The following ENPP2 variants were observed in gnomAD, a reference collection of about 807,000 sequenced individuals.
The protein encoded by ENPP2 is ectonucleotide pyrophosphatase/phosphodiesterase 2.
A neutral mutation model predicts 120.2 loss-of-function variants in ENPP2; 51 were observed. That is an observed-to-expected ratio of 0.42 (90% CI 0.34 to 0.54). The LOEUF is 0.54. Ranked by LOEUF, ENPP2 falls within the 20% of genes least tolerant of loss-of-function variation. The probability of loss-of-function intolerance (pLI) is 0.04; values close to 1 mark genes in which losing one functional copy is unlikely to be tolerated. For synonymous variants in ENPP2, 365 were observed against 366.4 expected (o/e 1.00, Z 0.04); for missense variants, 920 against 1,066.5 (o/e 0.86, Z 1.91).
At chr8:119,562,387 G>A (rs1374459066) in intron 24 of ENPP2, among the ~76,000 whole-genome samples, 1 of 152,178 alleles carries the variant, frequency 6.6e-6, no homozygotes, top group Non-Finnish European at 1.5e-5. Context: ...AGGTTGCAGT[G>A]AGCCAAGATC....
At chr8:119,656,110 T>C (rs1817759080) in intron 1 of ENPP2, among the ~76,000 whole-genome samples, 1 of 152,238 alleles carries the variant, frequency 6.6e-6, no homozygotes, top group Non-Finnish European at 1.5e-5. Context: ...GGGTAAATCC[T>C]GATCACAGAC....
At chr8:119,631,271 C>G (rs868745852) in intron 2 of ENPP2, among the ~76,000 whole-genome samples, 1 of 120,828 alleles carries the variant, frequency 8.3e-6, no homozygotes, top group Non-Finnish European at 1.6e-5. Context: ...GGCTGGAGTG[C>G]AGTGGCGCAA....
At chr8:119,594,794 T>C (rs763786069) in intron 11 of ENPP2, among the ~76,000 whole-genome samples, 24 of 152,082 alleles carry the variant, frequency 1.6e-4, no homozygotes, top group Middle Eastern at 3.4e-3. Context: ...ATCACATAAA[T>C]ATACCCAAGA....
intron 15 of ENPP2, 71 bp downstream of exon 15, chr8:119,586,115 A>G: frequency 6.6e-7 from 1 of 1,507,260 alleles, no homozygotes; most frequent in Non-Finnish European, 9.1e-7. Context: ...ACTAAGGATG[A>G]TAAAATATTT....
chr8:119,672,322 A>G (rs1238922765), intron 1 of ENPP2, among the ~76,000 whole-genome samples: 1 of 152,212 alleles, frequency 6.6e-6, no homozygotes, highest in African/African-American at 2.4e-5. Context: ...TAAATACATA[A>G]GCAATACCAG....
chr8:119,598,109 C>G (rs891379795), intron 11 of ENPP2, among the ~76,000 whole-genome samples: 2 of 152,032 alleles, frequency 1.3e-5, no homozygotes, highest in Non-Finnish European at 2.9e-5. Flanking sequence ...AACCAATTAG[C>G]CTACAATAGA....
At chr8:119,623,806 A>G (rs1816083091) in intron 3 of ENPP2, among the ~76,000 whole-genome samples, 1 of 151,984 alleles carries the variant, frequency 6.6e-6, no homozygotes, top group Non-Finnish European at 1.5e-5. Context: ...TTGTATTTTT[A>G]GTAGAGATGG....
intron 20 of ENPP2, among the ~76,000 whole-genome samples, chr8:119,569,685 A>G (rs888601453): frequency 6.6e-6 from 1 of 151,948 alleles, no homozygotes; most frequent in Non-Finnish European, 1.5e-5. Flanking sequence ...AAGATAACTT[A>G]TAAAATAACA....
intron 23 of ENPP2, 106 bp from the exon 24 acceptor site, chr8:119,563,119 C>A: frequency 1.1e-6 from 1 of 873,516 alleles, no homozygotes; most frequent in South Asian, 1.8e-5. Flanking sequence ...AAATTAATCC[C>A]CATTCAATTG....
At chr8:119,572,418 C>T (rs1219864453) in intron 19 of ENPP2, among the ~76,000 whole-genome samples, 2 of 152,180 alleles carry the variant, frequency 1.3e-5, no homozygotes, top group African/African-American at 4.8e-5. Flanking sequence ...CAATACCCCT[C>T]CCTAGAGCAA....
At chr8:119,663,542 T>C (rs1817986132) in intron 1 of ENPP2, among the ~76,000 whole-genome samples, 1 of 152,222 alleles carries the variant, frequency 6.6e-6, no homozygotes, top group Admixed American at 6.5e-5. Flanking sequence ...CAGCCCTACC[T>C]ATAGATCTCT....
chr8:119,590,370 CTT>C, intron 13 of ENPP2, 133 bp downstream of exon 13: 2 of 557,322 alleles, frequency 3.6e-6, no homozygotes, highest in Non-Finnish European at 6.0e-6. Context: ...GTCTAAATGA[CTT>C]ATTTAAGGTC....
intron 1 of ENPP2, among the ~76,000 whole-genome samples, chr8:119,660,807 C>A (rs1817898364): frequency 6.6e-6 from 1 of 151,998 alleles, no homozygotes; most frequent in Non-Finnish European, 1.5e-5. Context: ...TGTTGTAGTG[C>A]GAAAGTGGTC....
intron 11 of ENPP2, chr8:119,595,781 G>T: frequency 6.6e-7 from 1 of 1,515,102 alleles, no homozygotes; most frequent in Non-Finnish European, 9.1e-7. Flanking sequence ...TCCAACCAAG[G>T]CACTGAAGGC....
intron 11 of ENPP2, among the ~76,000 whole-genome samples, chr8:119,599,627 CT>C (rs1814144607): frequency 6.6e-6 from 1 of 152,244 alleles, no homozygotes; most frequent in East Asian, 1.9e-4. Flanking sequence ...CTAACCATTC[CT>C]TTCCCACCTT....
At chr8:119,561,539 G>A (rs1236130012) in intron 24 of ENPP2, among the ~76,000 whole-genome samples, 2 of 152,088 alleles carry the variant, frequency 1.3e-5, no homozygotes, top group Non-Finnish European at 2.9e-5. Flanking sequence ...AAATTAAAAG[G>A]ACCTGAAGGT....
intron 1 of ENPP2, among the ~76,000 whole-genome samples, chr8:119,668,379 T>C (rs932727071): frequency 6.6e-6 from 1 of 152,062 alleles, no homozygotes; most frequent in Non-Finnish European, 1.5e-5. Flanking sequence ...ATGACTATCA[T>C]GTCTCATGTT....
At chr8:119,657,047 C>G (rs370561101) in intron 1 of ENPP2, among the ~76,000 whole-genome samples, 3 of 152,156 alleles carry the variant, frequency 2.0e-5, no homozygotes, top group African/African-American at 7.2e-5. Context: ...CCTGCCTCAG[C>G]CTCCCGAGTA....
chr8:119,569,509 C>T, intron 20 of ENPP2, 139 bp from the exon 21 acceptor site: 1 of 741,382 alleles, frequency 1.3e-6, no homozygotes, highest in Admixed American at 3.5e-5. Flanking sequence ...CTTTGATAGT[C>T]TGACTTCTTT....
Sources: gnomAD v4.1 joint callset for allele counts (sites outside exome capture counted in the v4.1 genomes callset) on GRCh38, gnomAD v4.1.1 for gene constraint, MANE v1.5 for transcripts, NCBI Gene and HGNC (gene_info 2026-07-23, HGNC 2026-07-21) for gene names.